The following KCTD8 variants were observed in gnomAD, a reference collection of about 807,000 sequenced individuals.
The protein encoded by KCTD8 is potassium channel tetramerization domain containing 8.
KCTD8 carries 27 observed loss-of-function variants against 31.5 expected under a neutral mutation model. That is an observed-to-expected ratio of 0.86 (90% CI 0.63 to 1.18). The LOEUF (loss-of-function observed/expected upper bound fraction) is 1.18, where lower values mean the gene tolerates loss of function less well. Among genes scored for constraint, KCTD8 ranks in the 50% most tolerant of loss-of-function variants. The pLI, the probability that KCTD8 is intolerant of heterozygous loss-of-function variation, is 0.00. For synonymous variants in KCTD8, 290 were observed against 280.0 expected, an observed-to-expected ratio of 1.04 and a Z score of -0.36; for missense variants, 658 against 647.7, an observed-to-expected ratio of 1.02 and a Z score of -0.17.
intron 1 of KCTD8, among the ~76,000 whole-genome samples, chr4:44,323,318 G>C (rs188649708): frequency 6.6e-6 from 1 of 151,646 alleles, no homozygotes; most frequent in Non-Finnish European, 1.5e-5. Flanking sequence ...ACATGGTGAA[G>C]CCCTCCCTCT....
chr4:44,362,820 C>CA (rs924828161), intron 1 of KCTD8, among the ~76,000 whole-genome samples: 3 of 145,368 alleles, frequency 2.1e-5, no homozygotes, highest in South Asian at 2.2e-4. Context: ...CATTTAGGAC[C>CA]AAAAAAAAAT....
At chr4:44,348,820 A>G (rs1019785200) in intron 1 of KCTD8, among the ~76,000 whole-genome samples, 1 of 152,096 alleles carries the variant, frequency 6.6e-6, no homozygotes, top group African/African-American at 2.4e-5. Flanking sequence ...CCTCCTTGAC[A>G]GGTTGGCAGT....
At chr4:44,445,716 C>T (rs1721921169) in intron 1 of KCTD8, among the ~76,000 whole-genome samples, 1 of 152,092 alleles carries the variant, frequency 6.6e-6, no homozygotes, top group Non-Finnish European at 1.5e-5. Context: ...CTGTGCAGAA[C>T]ATTCATGCTT....
At position 44,175,011 on chromosome 4, in the gene KCTD8, T is replaced by C. The variant is rs1240066107; in HGVS notation, c.1201A>G (p.Ile401Val). Residue 401 changes from isoleucine to valine, a missense_variant, in exon 2 of 2, where the codon ATA (isoleucine) becomes GTA (valine). Coordinates refer to ENST00000360029, the MANE Select transcript of KCTD8 (RefSeq NM_198353.3). Reference sequence around the variant, plus strand: ...TTTCTGCGTTTGTCTGGTGGGGGTATCCATTGTACAGGTGCTTTTTTAGAG... The same window carrying C: ...TTTCTGCGTTTGTCTGGTGGGGGTACCCATTGTACAGGTGCTTTTTTAGAG... ...RPSKKAPVQW[I>V]PPPDKRRNSE... 6.2e-7 allele frequency: 1 copy of C among 1,614,138 alleles called. No homozygotes were observed. The highest frequency in any genetic ancestry group is 2.2e-5 in the East Asian group (1 of 44,872).
Position 44,301,885 on chromosome 4 carries a change from A to G in KCTD8, c.962-126635T>C, listed in dbSNP as rs547507740. ...TTAAGTCTTTAATCCATCTTGAATTAATTTTTGTATAAGGTGTAAGGAAGG... is the reference window on the plus strand; with the variant it reads ...TTAAGTCTTTAATCCATCTTGAATTGATTTTTGTATAAGGTGTAAGGAAGG... On this transcript the variant is annotated intron_variant, in intron 1 of 1. Coordinates refer to ENST00000360029, the MANE Select transcript of KCTD8 (RefSeq NM_198353.3). Among the ~76,000 whole-genome samples the G allele has an allele frequency of 6.6e-5, 10 of 152,268 alleles. No homozygotes were observed. The East Asian group carries it at 1.9e-3, about 29-fold the overall frequency.
chr4:44,427,192 A>T (rs1213157919), intron 1 of KCTD8, among the ~76,000 whole-genome samples: 1 of 151,520 alleles, frequency 6.6e-6, no homozygotes, highest in African/African-American at 2.4e-5. Context: ...AAATACCTAA[A>T]GTAAACATTA....
chr4:44,225,792 A>T (rs1474968293), intron 1 of KCTD8, among the ~76,000 whole-genome samples: 1 of 149,408 alleles, frequency 6.7e-6, no homozygotes, highest in Non-Finnish European at 1.5e-5. Flanking sequence ...TGCACCTATC[A>T]ACCCGTCACC....
intron 1 of KCTD8, among the ~76,000 whole-genome samples, chr4:44,430,950 C>A (rs150287446): frequency 6.6e-6 from 1 of 151,044 alleles, no homozygotes; most frequent in Non-Finnish European, 1.5e-5. Context: ...GCAGACTCTA[C>A]GATTAATTAC....
intron 1 of KCTD8, among the ~76,000 whole-genome samples, chr4:44,298,463 A>G (rs1022917403): frequency 6.7e-6 from 1 of 150,080 alleles, no homozygotes; most frequent in Non-Finnish European, 1.5e-5. Flanking sequence ...GAACTGGGGG[A>G]AAAGGAGAAG....
At chr4:44,402,165 A>C (rs1181933828) in intron 1 of KCTD8, among the ~76,000 whole-genome samples, 4 of 152,184 alleles carry the variant, frequency 2.6e-5, no homozygotes, top group Non-Finnish European at 5.9e-5. Context: ...TGAATAAAGG[A>C]CAATTCAGAG....
intron 1 of KCTD8, among the ~76,000 whole-genome samples, chr4:44,357,501 A>G (rs1043749125): frequency 1.3e-5 from 2 of 152,210 alleles, no homozygotes; most frequent in Non-Finnish European, 2.9e-5. Context: ...GTGTATTATA[A>G]GAATATTTCA....
At chr4:44,206,331 T>C (rs1055778714) in intron 1 of KCTD8, among the ~76,000 whole-genome samples, 1 of 152,210 alleles carries the variant, frequency 6.6e-6, no homozygotes, top group Admixed American at 6.5e-5. Context: ...TAAAAAGATA[T>C]GGGAATTTAT....
At chr4:44,360,071 T>C (rs1674520282) in intron 1 of KCTD8, among the ~76,000 whole-genome samples, 1 of 152,040 alleles carries the variant, frequency 6.6e-6, no homozygotes, top group East Asian at 1.9e-4. Context: ...AATGATTCAG[T>C]AAATTTATTC....
At chr4:44,181,672 G>A (rs1346815914) in intron 1 of KCTD8, among the ~76,000 whole-genome samples, 3 of 152,050 alleles carry the variant, frequency 2.0e-5, no homozygotes, top group East Asian at 1.9e-4. Context: ...CCGCCACCCC[G>A]TCTGGGAAGT....
chr4:44,302,763 G>A (rs1717667764), intron 1 of KCTD8, among the ~76,000 whole-genome samples: 1 of 151,866 alleles, frequency 6.6e-6, no homozygotes, highest in Non-Finnish European at 1.5e-5. Context: ...ATGTTGAATA[G>A]GAGTGGTGAG....
At chr4:44,375,477 T>C (rs17653012) in intron 1 of KCTD8, among the ~76,000 whole-genome samples, 10,743 of 152,104 alleles carry the variant, frequency 0.071, 470 homozygotes, top group East Asian at 0.19. Flanking sequence ...CATCAAGAGA[T>C]TGCTGTGAGA....
chr4:44,223,055 A>G (rs1714853363), intron 1 of KCTD8, among the ~76,000 whole-genome samples: 1 of 152,238 alleles, frequency 6.6e-6, no homozygotes, highest in Non-Finnish European at 1.5e-5. Context: ...AAGAAGGGCA[A>G]TATTGGAAGC....
At chr4:44,382,961 C>T (rs1241993040) in intron 1 of KCTD8, among the ~76,000 whole-genome samples, 1 of 150,924 alleles carries the variant, frequency 6.6e-6, no homozygotes, top group Non-Finnish European at 1.5e-5. Flanking sequence ...AATCATGTTC[C>T]AAAATACAAA....
At position 44,305,521 on chromosome 4, in the gene KCTD8, T is replaced by A. The variant is rs1054735429; in HGVS notation, c.962-130271A>T. On this transcript the variant is annotated intron_variant, in intron 1 of 1. Coordinates refer to ENST00000360029, the MANE Select transcript of KCTD8 (RefSeq NM_198353.3). ...ACTCACCAGGATGATATAAAACTTA[T>A]AAACTCATATATATCTAATATATAG... Among the ~76,000 whole-genome samples the A allele has an allele frequency of 4.0e-5, 6 of 151,686 alleles. No homozygotes were observed. The East Asian group carries it at 1.2e-3, about 29-fold the overall frequency.
Sources: allele counts gnomAD v4.1 joint callset (sites outside exome capture counted in the v4.1 genomes callset), GRCh38; gene constraint gnomAD v4.1.1; transcripts MANE v1.5; gene names NCBI Gene and HGNC (gene_info 2026-07-23, HGNC 2026-07-21).